BRI3BP: variants seen among roughly 807,000 people sequenced by gnomAD.
BRI3BP encodes the protein BRI3-binding protein.
BRI3BP carries 7 observed loss-of-function variants against 15.8 expected under a neutral mutation model. The ratio of observed to expected loss-of-function variants is 0.44; its 90% CI spans 0.25 to 0.83. BRI3BP has a LOEUF of 0.83. Ranked by LOEUF, BRI3BP falls within the 40% of genes least tolerant of loss-of-function variation. BRI3BP has a pLI of 0.20. For missense variants in BRI3BP, 320 were observed against 339.3 expected (o/e 0.94, Z 0.45); for synonymous variants, 192 against 163.5 (o/e 1.17, Z -1.33).
chr12:125,025,346 G>A lies in BRI3BP; in HGVS notation c.672G>A (p.Leu224=), dbSNP rs747644869. 1 of 1,613,090 alleles carries A rather than the reference G, an allele frequency of 6.2e-7. No homozygotes were observed. Among genetic ancestry groups the A allele is most frequent in the South Asian group, 1.1e-5 (1 of 90,966 alleles). ...GCAACCCCAGCGTGGAGGAGAAGCT[G>A]GAGCACCTGGAGAAGCAGGTCAGAC... ...NPSNPSVEEK[L]EHLEKQVRLL... Residue 224 remains leucine, a synonymous_variant, in exon 3 of 3, where the codon CTG becomes CTA. Transcript: ENST00000341446.
At chr12:124,996,962 T>C (rs56737418) in intron 1 of BRI3BP, among the ~76,000 whole-genome samples, 5,062 of 151,766 alleles carry the variant, frequency 0.033, 281 homozygotes, top group African/African-American at 0.11. Flanking sequence ...GGTTTCACCA[T>C]GTTGGCCAGG....
chr12:125,020,117 A>AT (rs979235249), intron 2 of BRI3BP, among the ~76,000 whole-genome samples: 53 of 151,152 alleles, frequency 3.5e-4, no homozygotes, highest in African/African-American at 1.2e-3. Context: ...CTAATTTTGT[A>AT]TTTTTTTTAA....
intron 2 of BRI3BP, among the ~76,000 whole-genome samples, chr12:125,017,229 G>A (rs1326524776): frequency 6.6e-6 from 1 of 150,964 alleles, no homozygotes; most frequent in African/African-American, 2.4e-5. Context: ...TCACCATCTT[G>A]GCCAGGGTAT....
At chr12:125,036,665 G>A in the BRI3BP span, among the ~76,000 whole-genome samples, 2,159 of 152,262 alleles carry the variant, frequency 0.014, 43 homozygotes, top group African/African-American at 0.05. Flanking sequence ...TGGTCACGGT[G>A]CTACAGAATG....
chr12:125,021,428 C>T (rs998698971), intron 2 of BRI3BP, among the ~76,000 whole-genome samples: 4 of 152,084 alleles, frequency 2.6e-5, no homozygotes, highest in South Asian at 2.1e-4. Context: ...TTTGGCTGGG[C>T]GTGGTGCCTC....
chr12:125,000,016 C>CTTTT (rs66571863), intron 1 of BRI3BP, among the ~76,000 whole-genome samples: 17 of 40,712 alleles, frequency 4.2e-4, no homozygotes, highest in African/African-American at 1.5e-3. Flanking sequence ...TTTGGTTTTT[C>CTTTT]TTTTTTTTTT....
In BRI3BP at chr12:125,025,100, C is replaced by G. The variant is rs1015293903; in HGVS notation, c.426C>G (p.Thr142=). ...VLLAYWFLSL[T]LGFTFSVLHV... is the part of the protein sequence containing the mutation. ...TGGCCTACTGGTTCTTGTCCCTGAC[C>G]CTGGGCTTCACTTTCAGCGTCCTGC... The change falls in exon 3 of 3, where the codon ACC becomes ACG. Residue 142 remains threonine, a synonymous_variant. Transcript: ENST00000341446. 1 of 1,613,958 alleles carries G rather than the reference C, an allele frequency of 6.2e-7. No individual in the cohort carries two copies. The highest frequency in any genetic ancestry group is 8.5e-7 in the Non-Finnish European group (1 of 1,180,030).
rs1955359026 is a variant in BRI3BP, at chr12:125,026,797, AC to A, written c.*1368del. The A allele has an allele frequency of 6.6e-6, 1 of 152,188 alleles. No individual in the cohort carries two copies. The allele number at this position is 152,188 out of a possible 1,614,324, so 9.4% of individuals were successfully genotyped here. On this transcript the variant is annotated 3_prime_UTR_variant, in exon 3 of 3. Transcript: ENST00000341446. The stretch of plus-strand genomic sequence containing the variant: ...TGAAACCCCCGTCTCTACTAAAAAT[AC>A]AAAAATTAGTCAGGCATGGTGGTGG...
the BRI3BP span, among the ~76,000 whole-genome samples, chr12:125,042,147 G>T: frequency 6.6e-6 from 1 of 152,132 alleles, no homozygotes; most frequent in African/African-American, 2.4e-5. Context: ...GGTAAATTTG[G>T]TTTTTTAAAA....
At chr12:124,997,932 C>T (rs1565901012) in intron 1 of BRI3BP, among the ~76,000 whole-genome samples, 2 of 152,134 alleles carry the variant, frequency 1.3e-5, no homozygotes, top group Admixed American at 6.6e-5. Context: ...CAAGACCAGC[C>T]TGACCAACAT....
intron 2 of BRI3BP, among the ~76,000 whole-genome samples, chr12:125,017,582 C>T (rs1955258722): frequency 6.6e-6 from 1 of 152,146 alleles, no homozygotes; most frequent in Non-Finnish European, 1.5e-5. Context: ...CTCTATTTGA[C>T]ACTTAGAGCG....
intron 2 of BRI3BP, among the ~76,000 whole-genome samples, chr12:125,015,043 AGGCGTGAGCCACCACACCCAGCCC>A (rs1955231429): frequency 6.6e-6 from 1 of 152,202 alleles, no homozygotes; most frequent in South Asian, 2.1e-4. Flanking sequence ...CTGAGATTGT[AGGCGTGAGCCACCACACCCAGCCC>A]ACCCTTGGTT....
the BRI3BP span, among the ~76,000 whole-genome samples, chr12:125,042,942 C>T: frequency 6.6e-6 from 1 of 152,078 alleles, no homozygotes; most frequent in Non-Finnish European, 1.5e-5. Context: ...GCCACTGTGC[C>T]CTGCCTGTTA....
intron 1 of BRI3BP, among the ~76,000 whole-genome samples, chr12:125,002,735 C>T (rs1046525017): frequency 2.0e-5 from 3 of 152,288 alleles, no homozygotes; most frequent in South Asian, 2.1e-4. Context: ...GGATTACAGG[C>T]GTGAGCCACC....
At chr12:125,021,240 T>C (rs1594537157) in intron 2 of BRI3BP, among the ~76,000 whole-genome samples, 1 of 151,556 alleles carries the variant, frequency 6.6e-6, no homozygotes, top group Non-Finnish European at 1.5e-5. Context: ...GTTTACAGTG[T>C]TGGACTCTAG....
chr12:125,051,070 C>T, the BRI3BP span, among the ~76,000 whole-genome samples: 4 of 152,242 alleles, frequency 2.6e-5, no homozygotes, highest in East Asian at 7.7e-4. Context: ...TCTTTTCTTG[C>T]CCTGTTAGAA....
chr12:125,024,178 C>T (rs1955325626), intron 2 of BRI3BP, among the ~76,000 whole-genome samples: 1 of 152,192 alleles, frequency 6.6e-6, no homozygotes, highest in South Asian at 2.1e-4. Flanking sequence ...GAAGCAAGCA[C>T]CTTCTTCACA....
At chr12:125,007,721 A>T (rs529681076) in intron 1 of BRI3BP, among the ~76,000 whole-genome samples, 1 of 134,004 alleles carries the variant, frequency 7.5e-6, no homozygotes, top group Admixed American at 7.2e-5. Flanking sequence ...CCCTGTCTCC[A>T]AAAAAAAAAA....
the BRI3BP span, among the ~76,000 whole-genome samples, chr12:125,045,838 A>C: frequency 6.6e-6 from 1 of 152,162 alleles, no homozygotes; most frequent in African/African-American, 2.4e-5. Flanking sequence ...AGGTCTGTTT[A>C]AGGGTTGGTT....
Sources: gnomAD v4.1 joint callset for allele counts (sites outside exome capture counted in the v4.1 genomes callset) on GRCh38, gnomAD v4.1.1 for gene constraint, MANE v1.5 for transcripts, NCBI Gene and HGNC (gene_info 2026-07-23, HGNC 2026-07-21) for gene names.